The following RSU1 variants were observed in gnomAD, a reference collection of about 807,000 sequenced individuals.
RSU1 encodes the protein rsu-1.
A neutral mutation model predicts 31.1 loss-of-function variants in RSU1; 26 were observed. That is an observed-to-expected ratio of 0.84 (90% CI 0.61 to 1.16). RSU1 has a LOEUF of 1.16. Ranked by LOEUF, RSU1 falls within the 50% of genes most tolerant of loss-of-function variation. The pLI, the probability that RSU1 is intolerant of heterozygous loss-of-function variation, is 0.00. For synonymous variants in RSU1, 164 were observed against 136.3 expected (o/e 1.20, Z -1.41); for missense variants, 320 against 339.1 (o/e 0.94, Z 0.44).
intron 7 of RSU1, among the ~76,000 whole-genome samples, chr10:16,706,611 G>A (rs7916663): frequency 0.29 from 43,822 of 151,976 alleles, 10,340 homozygotes; most frequent in African/African-American, 0.65. Context: ...TGACACAGTG[G>A]AATTATACAT....
chr10:16,721,734 C>T (rs537936902), intron 7 of RSU1: 2 of 152,282 alleles, frequency 1.3e-5, no homozygotes, highest in East Asian at 1.9e-4. Context: ...AATGGAAAAT[C>T]GACGCCCTGG....
intron 8 of RSU1, among the ~76,000 whole-genome samples, chr10:16,677,284 G>A (rs1835251980): frequency 6.6e-6 from 1 of 152,130 alleles, no homozygotes; most frequent in Admixed American, 6.6e-5. Flanking sequence ...TGAAAGCAGA[G>A]GCAAACTGTG....
At chr10:16,744,855 T>G (rs1836818376) in intron 7 of RSU1, among the ~76,000 whole-genome samples, 1 of 152,166 alleles carries the variant, frequency 6.6e-6, no homozygotes, top group African/African-American at 2.4e-5. Flanking sequence ...GCAGAATCCC[T>G]TCATCTGAGC....
intron 7 of RSU1, among the ~76,000 whole-genome samples, chr10:16,701,545 T>C (rs993908122): frequency 1.3e-5 from 2 of 152,172 alleles, no homozygotes; most frequent in Non-Finnish European, 2.9e-5. Flanking sequence ...ATGCATTGCA[T>C]TGCTGCTTTA....
chr10:16,678,361 C>A (rs1000835379), intron 8 of RSU1, among the ~76,000 whole-genome samples: 1 of 152,216 alleles, frequency 6.6e-6, no homozygotes, highest in African/African-American at 2.4e-5. Context: ...TTTCACAATG[C>A]TTCAGCCAAG....
chr10:16,775,019 G>C (rs994833959), intron 3 of RSU1, among the ~76,000 whole-genome samples: 5 of 152,052 alleles, frequency 3.3e-5, no homozygotes, highest in Admixed American at 3.3e-4. Flanking sequence ...ACTCCAACCT[G>C]GGTGATAAAA....
intron 8 of RSU1, among the ~76,000 whole-genome samples, chr10:16,642,086 A>G (rs141658012): frequency 1.3e-5 from 2 of 152,308 alleles, no homozygotes; most frequent in Non-Finnish European, 2.9e-5. Flanking sequence ...GGAAACAGAG[A>G]TGGAATTGAT....
intron 7 of RSU1, among the ~76,000 whole-genome samples, chr10:16,701,826 A>G (rs529880930): frequency 6.6e-6 from 1 of 152,326 alleles, no homozygotes; most frequent in East Asian, 1.9e-4. Flanking sequence ...AAGAAGGGAT[A>G]GAAGAAGCTC....
intron 2 of RSU1, among the ~76,000 whole-genome samples, chr10:16,813,841 T>C (rs994807773): frequency 2.8e-4 from 42 of 152,228 alleles, no homozygotes; most frequent in Non-Finnish European, 1.0e-4. Flanking sequence ...CAGAAAGTTC[T>C]TGGTACCTAA....
intron 8 of RSU1, among the ~76,000 whole-genome samples, chr10:16,594,569 C>G (rs898978762): frequency 6.8e-6 from 1 of 147,176 alleles, no homozygotes; most frequent in African/African-American, 2.5e-5. Flanking sequence ...TGCCACCATG[C>G]CTAGCTAATT....
intron 8 of RSU1, among the ~76,000 whole-genome samples, chr10:16,675,775 T>A (rs1440389368): frequency 2.0e-5 from 3 of 152,208 alleles, no homozygotes; most frequent in African/African-American, 7.2e-5. Flanking sequence ...TTTTCTGCTT[T>A]GTCACTCAAA....
chr10:16,770,191 C>CA (rs201869098), intron 3 of RSU1, among the ~76,000 whole-genome samples: 6 of 147,776 alleles, frequency 4.1e-5, no homozygotes, highest in African/African-American at 1.0e-4. Flanking sequence ...GCCCTTGAGG[C>CA]AAAAAAAAAT....
At chr10:16,782,003 GA>G in intron 3 of RSU1, 30 bp downstream of exon 3, 1 of 1,600,114 alleles carries the variant, frequency 6.2e-7, no homozygotes, top group South Asian at 1.1e-5. Context: ...CTAAATGTCA[GA>G]AACTGTAACA....
intron 2 of RSU1, among the ~76,000 whole-genome samples, chr10:16,783,362 T>G (rs1444350041): frequency 7.5e-6 from 1 of 132,850 alleles, no homozygotes; most frequent in Non-Finnish European, 1.5e-5. Flanking sequence ...CCACAACTTT[T>G]GCTTTTTTTT....
chr10:16,728,259 T>C (rs546123121), intron 7 of RSU1, among the ~76,000 whole-genome samples: 1 of 152,196 alleles, frequency 6.6e-6, no homozygotes, highest in Non-Finnish European at 1.5e-5. Flanking sequence ...CATAAAAGAC[T>C]CATATTTCAA....
In RSU1 at chr10:16,764,989, G is replaced by GCA. The variant is rs200992158; in HGVS notation, c.161-480_161-479insTG. The stretch of plus-strand genomic sequence containing the variant: ...CAGTTTGTTTCAGATGGCTAATGGG[G>GCA]GGGGAGAAACAGAGCAAAAATGCAC... On this transcript the variant is annotated intron_variant, in intron 3 of 8. Coordinates refer to ENST00000345264, the MANE Select transcript of RSU1 (RefSeq NM_012425.4). Among the ~76,000 whole-genome samples the GCA allele has an allele frequency of 2.7e-5, 4 of 148,242 alleles. No homozygotes were observed. In the East Asian group the frequency reaches 5.9e-4, roughly 22 times the overall value.
intron 8 of RSU1, among the ~76,000 whole-genome samples, chr10:16,596,408 C>T (rs1833613835): frequency 6.6e-6 from 1 of 152,188 alleles, no homozygotes; most frequent in Non-Finnish European, 1.5e-5. Flanking sequence ...AACATGCGTA[C>T]TCCTCTAACA....
chr10:16,747,260 A>G (rs1307891147), intron 7 of RSU1, among the ~76,000 whole-genome samples: 2 of 152,184 alleles, frequency 1.3e-5, no homozygotes, highest in African/African-American at 4.8e-5. Flanking sequence ...ATCTCATCCA[A>G]TTTGTACTCT....
chr10:16,667,747 C>G (rs911531661), intron 8 of RSU1, among the ~76,000 whole-genome samples: 9 of 152,280 alleles, frequency 5.9e-5, no homozygotes, highest in African/African-American at 1.9e-4. Flanking sequence ...CTTGGCTTCC[C>G]AAGGTGCTGC....
Sources: allele counts gnomAD v4.1 joint callset (sites outside exome capture counted in the v4.1 genomes callset), GRCh38; gene constraint gnomAD v4.1.1; transcripts MANE v1.5; gene names NCBI Gene and HGNC (gene_info 2026-07-23, HGNC 2026-07-21).